The following EHD1 variants were observed in gnomAD, a reference collection of about 807,000 sequenced individuals.
EHD1 encodes EH domain-containing protein 1.
Under a neutral mutation model 39.0 loss-of-function variants are expected in EHD1, and 19 were observed. That is an observed-to-expected ratio of 0.49 (90% CI 0.34 to 0.72). EHD1 has a LOEUF of 0.72. EHD1 is among the 30% of genes least tolerant of loss of function. The probability of loss-of-function intolerance (pLI) is 0.01; values close to 1 mark genes in which losing one functional copy is unlikely to be tolerated. For synonymous variants in EHD1, 323 were observed against 331.2 expected (o/e 0.98, Z 0.27); for missense variants, 542 against 751.5 (o/e 0.72, Z 3.26).
chr11:64,854,317 G>A lies in EHD1; in HGVS notation c.*16C>T, dbSNP rs764141773. On this transcript the variant is annotated 3_prime_UTR_variant, in exon 5 of 5. Transcript: ENST00000320631. ...CCGGCCGGGCGTGCAAATGGCAGGT[G>A]CGGGGCCGGGCGCCATCACTCATGT... is the stretch of plus-strand genomic sequence containing the variant. The A allele has an allele frequency of 6.9e-6, 11 of 1,588,498 alleles. No individual in the cohort carries two copies. The highest frequency in any genetic ancestry group is 2.2e-5 in the South Asian group (2 of 89,466).
At chr11:64,854,947 T>G (rs2007512) in intron 4 of EHD1, 90 bp from the exon 5 acceptor site, 1,502,441 of 1,504,242 alleles carry the variant, frequency 1, 750,342 homozygotes, top group East Asian at 1. Flanking sequence ...TTCACAAGCA[T>G]AAAGTGCTGC....
At chr11:64,861,699 G>T (rs1373876976) in intron 2 of EHD1, among the ~76,000 whole-genome samples, 2 of 152,164 alleles carry the variant, frequency 1.3e-5, no homozygotes, top group Non-Finnish European at 2.9e-5. Flanking sequence ...GCAGAGTTCA[G>T]TCGTTGTGAC....
Position 64,878,066 on chromosome 11 carries a change from G to A in EHD1, c.399C>T (p.Leu133=). The A allele has an allele frequency of 4.6e-6, 7 of 1,518,468 alleles. No homozygotes were observed. Among genetic ancestry groups the A allele is most frequent in the Non-Finnish European group, 5.3e-6 (6 of 1,137,394 alleles). The allele number at this position is 1,518,468 out of a possible 1,614,324, so 94.1% of individuals were successfully genotyped here. ...CTGGAGTGATGGGTGGGTACCTGTT[G>A]AGGAAAGCGTTGCCAAACGCGTTGA... ...RKLNAFGNAF[L]NRFMCAQLPN... Residue 133 remains leucine, a synonymous_variant, in exon 1 of 5, where the codon CTC becomes CTT. Coordinates refer to ENST00000320631, the MANE Select transcript of EHD1 (RefSeq NM_006795.4).
intron 2 of EHD1, among the ~76,000 whole-genome samples, chr11:64,873,391 G>A (rs1811162916): frequency 6.6e-6 from 1 of 152,200 alleles, no homozygotes; most frequent in South Asian, 2.1e-4. Flanking sequence ...GGGGGGCAAA[G>A]GCTGTTAAAC....
intron 2 of EHD1, 96 bp downstream of exon 2, chr11:64,874,325 G>GGTT: frequency 1.2e-6 from 1 of 816,002 alleles, no homozygotes; most frequent in Non-Finnish European, 1.8e-6. Context: ...AAAAAAAGGA[G>GGTT]AAATCTCAAG....
Position 64,854,237 on chromosome 11 carries a change from A to G in EHD1, c.*96T>C, listed in dbSNP as rs1943616793. ...TCGAGAGGCGAGGAAACATCCGCTCAGTCTTTATGGACCTTGAGAAATGGT... is the reference window on the plus strand; with the variant it reads ...TCGAGAGGCGAGGAAACATCCGCTCGGTCTTTATGGACCTTGAGAAATGGT... On this transcript the variant is annotated 3_prime_UTR_variant, in exon 5 of 5. Transcript: ENST00000320631. 6 of 1,454,034 alleles carry G rather than the reference A, an allele frequency of 4.1e-6. No individual in the cohort carries two copies. In the South Asian group the frequency reaches 5.6e-5, roughly 13 times the overall value. 90.1% of individuals were successfully genotyped at this position (1,454,034 alleles called of 1,614,324 possible).
rs1330835395 is a variant in EHD1 at position 64,868,796 on chromosome 11, A to G, written c.502+5625T>C. 1.3e-5 allele frequency among the ~76,000 whole-genome samples: 2 copies of G among 152,206 alleles called. No homozygotes were observed. The highest frequency in any genetic ancestry group is 2.9e-5 in the Non-Finnish European group (2 of 68,030). ...ACTACACACAACGTAGACCCCAGCA[A>G]ATCAGACAGAAGCAACAAAAGAGGG... On this transcript the variant is annotated intron_variant, in intron 2 of 4. Transcript: ENST00000320631. This position sits in a 1 kb window ranked among gnomAD's most constrained non-coding sequence, Gnocchi z 4.2.
chr11:64,869,347 G>A (rs533187092), intron 2 of EHD1, among the ~76,000 whole-genome samples: 4 of 152,370 alleles, frequency 2.6e-5, no homozygotes, highest in African/African-American at 7.2e-5. Context: ...AGCCAGGTGG[G>A]GCGAGCAGAG....
intron 2 of EHD1, among the ~76,000 whole-genome samples, chr11:64,869,605 G>A (rs1222542216): frequency 6.6e-6 from 1 of 152,236 alleles, no homozygotes; most frequent in South Asian, 2.1e-4. Context: ...AGAGGCTATG[G>A]TGTTTCCTGA....
intron 2 of EHD1, among the ~76,000 whole-genome samples, chr11:64,870,448 C>T (rs1392032208): frequency 1.3e-5 from 2 of 152,240 alleles, no homozygotes; most frequent in Non-Finnish European, 2.9e-5. Flanking sequence ...GGAGCTTCCT[C>T]CTAGATGCAG....
intron 2 of EHD1, 100 bp downstream of exon 2, chr11:64,874,321 A>AAAAT: frequency 1.0e-6 from 1 of 997,502 alleles, no homozygotes; most frequent in Non-Finnish European, 1.4e-6. Context: ...AAAAAAAAAA[A>AAAAT]GGAGAAATCT....
chr11:64,855,625 C>CCG (rs1943643080), intron 3 of EHD1, 139 bp from the exon 4 acceptor site: 2 of 1,264,142 alleles, frequency 1.6e-6, no homozygotes, highest in Admixed American at 4.6e-5. Context: ...AAGCTCAAGG[C>CCG]CGCTACCACC....
upstream of EHD1, chr11:64,878,977 C>G: frequency 1.0e-6 from 1 of 1,001,334 alleles, no homozygotes; most frequent in Non-Finnish European, 1.2e-6. Flanking sequence ...GATGGCTCCA[C>G]GAGACACCCA....
intron 2 of EHD1, among the ~76,000 whole-genome samples, chr11:64,863,340 G>A (rs1019464173): frequency 2.0e-5 from 3 of 152,214 alleles, no homozygotes; most frequent in African/African-American, 2.4e-5. Context: ...AAACAGCAGC[G>A]AGGTGGGAGG....
upstream of EHD1, chr11:64,879,471 G>T (rs1392306858): frequency 1.7e-5 from 22 of 1,324,086 alleles, no homozygotes; most frequent in African/African-American, 3.0e-5. Context: ...CCTATGTGGG[G>T]AAGAGGGGAA....
Position 64,858,664 on chromosome 11 carries a change from C to T in EHD1, c.915+1260G>A, listed in dbSNP as rs187646946. On this transcript the variant is annotated intron_variant, in intron 3 of 4. Coordinates refer to ENST00000320631, the MANE Select transcript of EHD1 (RefSeq NM_006795.4). ...GCCGGGACTGTCACTCATGGTGACT[C>T]GTCTAGGCTGGCTCACGATAGGGTG... 2.9e-3 allele frequency among the ~76,000 whole-genome samples: 444 copies of T among 152,316 alleles called. 3 individuals are homozygous for T. The highest frequency in any genetic ancestry group is 0.011 in the South Asian group (52 of 4,824).
rs200489652 is a variant in EHD1, at chr11:64,865,931, CTG to C, written c.503-5597_503-5596del. Among the ~76,000 whole-genome samples, 105 of 152,326 alleles carry C rather than the reference CTG, an allele frequency of 6.9e-4. No homozygotes were observed. In the East Asian group the frequency reaches 0.02, roughly 29 times the overall value. The stretch of plus-strand genomic sequence containing the variant: ...GTGGGAATGTAAACCAGTTCAGCCA[CTG>C]TGAAAAGCAGCTTGGCAATTTCTCA... On this transcript the variant is annotated intron_variant, in intron 2 of 4. Coordinates refer to ENST00000320631, the MANE Select transcript of EHD1 (RefSeq NM_006795.4).
chr11:64,870,318 G>A (rs1005728633), intron 2 of EHD1, among the ~76,000 whole-genome samples: 12 of 152,166 alleles, frequency 7.9e-5, no homozygotes, highest in African/African-American at 2.7e-4. Flanking sequence ...CAGCTCCGCC[G>A]CAGTAGGAGC....
chr11:64,855,268 C>T (rs1157035518), intron 4 of EHD1, 54 bp downstream of exon 4: 2 of 1,588,720 alleles, frequency 1.3e-6, no homozygotes, highest in Non-Finnish European at 1.7e-6. Context: ...TGCCCTGGGC[C>T]TTCCTTCTGC....
Sources: allele counts gnomAD v4.1 joint callset (sites outside exome capture counted in the v4.1 genomes callset), GRCh38; gene constraint gnomAD v4.1.1; non-coding constraint Gnocchi (gnomAD v3.1); transcripts MANE v1.5; gene names NCBI Gene and HGNC (gene_info 2026-07-23, HGNC 2026-07-21).